GFPT1: variants seen among roughly 807,000 people sequenced by gnomAD.
GFPT1 encodes glutamine--fructose-6-phosphate aminotransferase [isomerizing] 1.
Under a neutral mutation model 92.0 loss-of-function variants are expected in GFPT1, and 40 were observed. The observed-to-expected ratio is 0.43, with a 90% CI of 0.34 to 0.57. The LOEUF is 0.57. GFPT1 is among the 20% of genes least tolerant of loss of function. GFPT1 has a pLI of 0.02. For synonymous variants in GFPT1, 269 were observed against 280.6 expected (o/e 0.96, Z 0.41); for missense variants, 448 against 869.1 (o/e 0.52, Z 6.09).
At chr2:69,377,558 G>A (rs940950768) in intron 1 of GFPT1, among the ~76,000 whole-genome samples, 2 of 151,762 alleles carry the variant, frequency 1.3e-5, no homozygotes, top group Non-Finnish European at 2.9e-5. Context: ...TACTCGGGAG[G>A]CTGAGGCACG....
chr2:69,322,813 T>A lies in GFPT1; in HGVS notation c.*3376A>T, dbSNP rs1399413881. On this transcript the variant is annotated 3_prime_UTR_variant, in exon 20 of 20. Transcript: ENST00000357308. The stretch of plus-strand genomic sequence containing the variant: ...GCTTACTTTGCAAATACCTTTCACT[T>A]CTTATGAAACACAATATGCCCCCAA... The A allele has an allele frequency of 2.6e-5, 4 of 152,226 alleles. No individual in the cohort carries two copies. The highest frequency in any genetic ancestry group is 9.6e-5 in the African/African-American group (4 of 41,456). The allele number at this position is 152,226 out of a possible 1,614,324, so 9.4% of individuals were successfully genotyped here.
intron 4 of GFPT1, among the ~76,000 whole-genome samples, chr2:69,361,461 A>C (rs939797912): frequency 2.0e-5 from 3 of 151,956 alleles, no homozygotes; most frequent in Non-Finnish European, 2.9e-5. Context: ...AAAAAAAAAA[A>C]AAAAAAACTT....
intron 15 of GFPT1, among the ~76,000 whole-genome samples, chr2:69,330,016 G>C (rs142062881): frequency 6.6e-6 from 1 of 152,042 alleles, no homozygotes; most frequent in South Asian, 2.1e-4. Flanking sequence ...TTAGGAGTTC[G>C]AGACCAGCCT....
Position 69,387,104 on chromosome 2 carries a change from C to T in GFPT1, c.-33G>A. On this transcript the variant is annotated 5_prime_UTR_variant, in exon 1 of 20. Transcript: ENST00000357308. ...GAGACACGGCCCGCGAGGCCAGGGGCGAGTGGCTGGCGGGATCGGGGGTGC... is the reference window on the plus strand; with the variant it reads ...GAGACACGGCCCGCGAGGCCAGGGGTGAGTGGCTGGCGGGATCGGGGGTGC... 1 of 1,530,706 alleles carries T rather than the reference C, an allele frequency of 6.5e-7. No individual in the cohort carries two copies. The highest frequency in any genetic ancestry group is 8.7e-7 in the Non-Finnish European group (1 of 1,144,376). The allele number at this position is 1,530,706 out of a possible 1,614,324, so 94.8% of individuals were successfully genotyped here. A position where few individuals can be genotyped will look rare whatever the true frequency, so the allele number is the denominator to read the frequency against.
chr2:69,364,994 CAAAAAAAAA>C (rs58848043), intron 3 of GFPT1, among the ~76,000 whole-genome samples: 32 of 44,164 alleles, frequency 7.2e-4, no homozygotes, highest in East Asian at 2.2e-3. Flanking sequence ...GACTCCCTCT[CAAAAAAAAA>C]AAAAAAAAAA....
At chr2:69,341,390 G>A (rs1482987458) in intron 13 of GFPT1, among the ~76,000 whole-genome samples, 1 of 152,178 alleles carries the variant, frequency 6.6e-6, no homozygotes, top group Non-Finnish European at 1.5e-5. Flanking sequence ...AGATGCAAGG[G>A]CAGGTGACCA....
intron 3 of GFPT1, among the ~76,000 whole-genome samples, chr2:69,368,124 C>A (rs918905064): frequency 2.0e-5 from 3 of 152,202 alleles, no homozygotes; most frequent in Admixed American, 2.0e-4. Flanking sequence ...TGGCTCACGC[C>A]TGCAATCCCA....
intron 7 of GFPT1, among the ~76,000 whole-genome samples, chr2:69,355,418 T>C (rs1448724729): frequency 6.6e-6 from 1 of 152,096 alleles, no homozygotes; most frequent in African/African-American, 2.4e-5. Context: ...TTTTTCTTAA[T>C]TGACAAATAA....
chr2:69,337,491 A>T (rs1670829845), intron 15 of GFPT1, among the ~76,000 whole-genome samples: 1 of 152,180 alleles, frequency 6.6e-6, no homozygotes, highest in African/African-American at 2.4e-5. Context: ...GTTAAAGTGG[A>T]TGTTTCTAAT....
intron 4 of GFPT1, among the ~76,000 whole-genome samples, chr2:69,362,707 G>A (rs1032720103): frequency 6.6e-6 from 1 of 152,050 alleles, no homozygotes; most frequent in Non-Finnish European, 1.5e-5. Flanking sequence ...TGAGGCAGGA[G>A]AATTGCTTGA....
chr2:69,378,132 A>G (rs944427844), intron 1 of GFPT1, among the ~76,000 whole-genome samples: 1 of 152,164 alleles, frequency 6.6e-6, no homozygotes, highest in Non-Finnish European at 1.5e-5. Context: ...CAGCCTCCCA[A>G]GTAGCTGGAA....
At chr2:69,369,915 G>T in intron 3 of GFPT1, 86 bp downstream of exon 3, 2 of 820,338 alleles carry the variant, frequency 2.4e-6, no homozygotes, top group South Asian at 1.3e-5. Flanking sequence ...CCCAAAATAT[G>T]GGGGGAGGGA....
chr2:69,364,574 C>T (rs796177928), intron 3 of GFPT1, among the ~76,000 whole-genome samples: 53 of 152,368 alleles, frequency 3.5e-4, no homozygotes, highest in African/African-American at 1.2e-3. Context: ...AGTGTACACA[C>T]GTCTCACAAT....
Position 69,363,651 on chromosome 2 carries a change from C to T in GFPT1, c.243G>A (p.Leu81=). 2 of 1,606,776 alleles carry T rather than the reference C, an allele frequency of 1.2e-6. No individual in the cohort carries two copies. The highest frequency in any genetic ancestry group is 1.7e-6 in the Non-Finnish European group (2 of 1,173,338). The stretch of plus-strand genomic sequence containing the variant: ...CAAGGTGTACATCAAATTCTATATC[C>T]AAATCCATATCTTGTTGCTCTGAAG... The part of the protein sequence containing the change: ...EEVHKQQDMD[L]DIEFDVHLGI... Residue 81 remains leucine, a synonymous_variant, in exon 4 of 20, where the codon TTG becomes TTA. Transcript: ENST00000357308.
chr2:69,375,894 A>G (rs1671857704), intron 1 of GFPT1, among the ~76,000 whole-genome samples: 1 of 152,270 alleles, frequency 6.6e-6, no homozygotes, highest in African/African-American at 2.4e-5. Flanking sequence ...GTAGCGGCAC[A>G]GCAATGTGCA....
intron 4 of GFPT1, among the ~76,000 whole-genome samples, chr2:69,362,045 A>G (rs1671484848): frequency 6.6e-6 from 1 of 152,246 alleles, no homozygotes; most frequent in Admixed American, 6.5e-5. Flanking sequence ...TGTATTCTGT[A>G]TGTATTTGCT....
intron 18 of GFPT1, 61 bp downstream of exon 18, chr2:69,328,210 A>G (rs1670578038): frequency 1.6e-6 from 2 of 1,273,660 alleles, no homozygotes; most frequent in South Asian, 1.2e-5. Flanking sequence ...AAGTCATTCA[A>G]ATAAGCTAGC....
chr2:69,348,149 A>G (rs1454333807), intron 11 of GFPT1, 22 bp downstream of exon 11: 26 of 1,590,968 alleles, frequency 1.6e-5, no homozygotes, highest in Non-Finnish European at 2.0e-5. Flanking sequence ...ACAGCAAGCT[A>G]TAACATGACA....
At chr2:69,350,292 C>A in intron 9 of GFPT1, 109 bp from the exon 10 acceptor site, 1 of 771,660 alleles carries the variant, frequency 1.3e-6, no homozygotes, top group Non-Finnish European at 2.2e-6. Flanking sequence ...CAACACAAAA[C>A]AATTTTAGCA....
Sources: allele counts gnomAD v4.1 joint callset (sites outside exome capture counted in the v4.1 genomes callset), GRCh38; gene constraint gnomAD v4.1.1; transcripts MANE v1.5; gene names NCBI Gene and HGNC (gene_info 2026-07-23, HGNC 2026-07-21).